The following HNRNPH3 variants were observed in gnomAD, a reference collection of about 807,000 sequenced individuals.
The protein encoded by HNRNPH3 is heterogeneous nuclear ribonucleoprotein 2H9.
Under a neutral mutation model 47.0 loss-of-function variants are expected in HNRNPH3, and 7 were observed. That is an observed-to-expected ratio of 0.15 (90% CI 0.08 to 0.28). The LOEUF (loss-of-function observed/expected upper bound fraction) is 0.28. Ranked by LOEUF, HNRNPH3 falls within the 10% of genes least tolerant of loss-of-function variation. HNRNPH3 has a pLI of 1.00. For missense variants in HNRNPH3, 279 were observed against 449.6 expected (o/e 0.62, Z 3.43); for synonymous variants, 120 against 143.2 (o/e 0.84, Z 1.16).
intron 6 of HNRNPH3, 170 bp from the exon 7 acceptor site, chr10:68,341,004 A>G: frequency 1.9e-6 from 1 of 514,902 alleles, no homozygotes; most frequent in South Asian, 3.0e-5. Flanking sequence ...TCTTTACATT[A>G]TCCCTAAGTG....
rs2045604236 is a variant in HNRNPH3, at chr10:68,337,527, A to G, written c.112+194A>G. The G allele has an allele frequency of 5.4e-6, 3 of 560,652 alleles. No individual in the cohort carries two copies. The Admixed American group carries it at 1.0e-4, about 19-fold the overall frequency. The allele number at this position is 560,652 out of a possible 1,614,324, so 34.7% of individuals were successfully genotyped here. On this transcript the variant is annotated intron_variant, in intron 2 of 9. Transcript: ENST00000265866. The surrounding 1 kb of genome is among the most constrained non-coding windows in gnomAD (Gnocchi z 4.5). The stretch of plus-strand genomic sequence containing the variant: ...TGTGTAGAATATGTAAAACCTAGTT[A>G]ATGTGCAGTAACATATTTGAGAATT...
At position 68,342,018 on chromosome 10, in the gene HNRNPH3, C is replaced by T. The variant is rs367996402; in HGVS notation, c.1005C>T (p.Gly335=). ...GCAGTGGAGGTTACTATGGGCAAGGCGGCATGAGTGGAGGTGGATGGCGTG... is the reference window on the plus strand; with the variant it reads ...GCAGTGGAGGTTACTATGGGCAAGGTGGCATGAGTGGAGGTGGATGGCGTG... ...GGGSGGYYGQ[G]GMSGGGWRGM... is the part of the protein sequence containing the mutation. The change falls in exon 10 of 10, where the codon GGC becomes GGT. Residue 335 remains glycine, a synonymous_variant. Transcript: ENST00000265866. 7.6e-5 allele frequency: 123 copies of T among 1,613,764 alleles called. 1 individual carries two copies. Among genetic ancestry groups the T allele is most frequent in the Admixed American group, 1.7e-4 (10 of 59,954 alleles).
At chr10:68,336,363 CTG>C (rs1335144443) in intron 1 of HNRNPH3, among the ~76,000 whole-genome samples, 2 of 152,054 alleles carry the variant, frequency 1.3e-5, no homozygotes, top group African/African-American at 4.8e-5. Flanking sequence ...GAACTGGGAA[CTG>C]AGGTTATTTT....
rs1156883907 is a variant in HNRNPH3, at chr10:68,336,931, G to A, written c.-23-268G>A. ...AAATAGTTTGAAGACTCTGGTAGTA[G>A]AATTATGCAAGTTTTCTTAAAATTA... On this transcript the variant is annotated intron_variant, in intron 1 of 9. Coordinates refer to ENST00000265866, the MANE Select transcript of HNRNPH3 (RefSeq NM_012207.3). 6.3e-5 allele frequency: 18 copies of A among 286,158 alleles called. No individual in the cohort carries two copies. In the East Asian group the frequency reaches 1.0e-3, roughly 17 times the overall value. 17.7% of individuals were successfully genotyped at this position (286,158 alleles called of 1,614,324 possible). A position where few individuals can be genotyped will look rare whatever the true frequency, so the allele number is the denominator to read the frequency against.
In HNRNPH3 at chr10:68,342,126, C is replaced by T. The variant is rs935412223; in HGVS notation, c.*72C>T. On this transcript the variant is annotated 3_prime_UTR_variant, in exon 10 of 10. Coordinates refer to ENST00000265866, the MANE Select transcript of HNRNPH3 (RefSeq NM_012207.3). ...CTAGACTTTCTTACAGATTTAATTT[C>T]TTTTGTATTTTAAGAACTTTATAAT... 1.8e-6 allele frequency: 2 copies of T among 1,086,218 alleles called. No individual in the cohort carries two copies. The highest frequency in any genetic ancestry group is 1.6e-5 in the African/African-American group (1 of 62,408). 67.3% of individuals were successfully genotyped at this position (1,086,218 alleles called of 1,614,324 possible). A position where few individuals can be genotyped will look rare whatever the true frequency, so the allele number is the denominator to read the frequency against.
At position 68,333,984 on chromosome 10, in the gene HNRNPH3, T is replaced by C. The variant is rs143555822; in HGVS notation, c.-24+1768T>C. Among the ~76,000 whole-genome samples, 408 of 152,318 alleles carry C rather than the reference T, an allele frequency of 2.7e-3. 3 individuals carry two copies. The highest frequency in any genetic ancestry group is 9.1e-3 in the African/African-American group (377 of 41,564). ...CTAATTGGATTGGACTACACATCTT[T>C]TTTCTGTCCTCTTTTCATTTGTGCC... On this transcript the variant is annotated intron_variant, in intron 1 of 9. Transcript: ENST00000265866.
intron 1 of HNRNPH3, among the ~76,000 whole-genome samples, chr10:68,336,385 G>A (rs1418042646): frequency 6.6e-6 from 1 of 152,080 alleles, no homozygotes; most frequent in South Asian, 2.1e-4. Flanking sequence ...TGGAGGGGAA[G>A]GGGGGCTTCT....
rs1564752391 is a variant in HNRNPH3, at chr10:68,338,855, A to G, written c.436+168A>G. 7.2e-6 allele frequency: 4 copies of G among 552,500 alleles called. No individual in the cohort carries two copies. In the East Asian group the frequency reaches 9.3e-5, roughly 13 times the overall value. 34.2% of individuals were successfully genotyped at this position (552,500 alleles called of 1,614,324 possible). On this transcript the variant is annotated intron_variant, in intron 4 of 9. Transcript: ENST00000265866. ...GCTGTGGGACTTGACTGATGCACAT[A>G]TTGGCACCTAGAAAACTTACACAGA...
Position 68,332,964 on chromosome 10 carries a change from G to C in HNRNPH3, c.-24+748G>C, listed in dbSNP as rs2045282162. 2.0e-5 allele frequency: 3 copies of C among 152,206 alleles called. No individual in the cohort carries two copies. In the South Asian group the frequency reaches 6.2e-4, roughly 32 times the overall value. The allele number at this position is 152,206 out of a possible 1,614,324, so 9.4% of individuals were successfully genotyped here. On this transcript the variant is annotated intron_variant, in intron 1 of 9. Transcript: ENST00000265866. ...GGCGAAGGGTTTTAAGCCAGGCTTG[G>C]CTGCTGACGGGAGGGGGAAGGGGCG...
intron 4 of HNRNPH3, 123 bp from the exon 5 acceptor site, chr10:68,339,017 T>C: frequency 1.4e-6 from 1 of 691,968 alleles, no homozygotes; most frequent in East Asian, 2.7e-5. Context: ...AGGTTTTAAG[T>C]TGGGAATTGC....
chr10:68,338,557 A>G lies in HNRNPH3; in HGVS notation c.306A>G (p.Pro102=), dbSNP rs1338963075. The part of the protein sequence containing the change: ...SRSEIKGFYD[P]PRRLLGQRPG... ...GTGAAATCAAAGGATTTTATGATCC[A>G]CCAAGAAGATTGCTGGGACAGCGAC... Residue 102 remains proline (P), a synonymous_variant, in exon 4 of 10, where the codon CCA becomes CCG. Coordinates refer to ENST00000265866, the MANE Select transcript of HNRNPH3 (RefSeq NM_012207.3). 1.9e-6 allele frequency: 3 copies of G among 1,613,382 alleles called. No homozygotes were observed. The highest frequency in any genetic ancestry group is 3.3e-5 in the Admixed American group (2 of 59,998).
Position 68,342,844 on chromosome 10 carries a change from A to G in HNRNPH3, c.*790A>G, listed in dbSNP as rs995420974. 2 of 152,542 alleles carry G rather than the reference A, an allele frequency of 1.3e-5. No individual in the cohort carries two copies. The highest frequency in any genetic ancestry group is 2.9e-5 in the Non-Finnish European group (2 of 68,034). The allele number at this position is 152,542 out of a possible 1,614,324, so 9.4% of individuals were successfully genotyped here. ...AGTATTAAGTACATAGGTATTTACT[A>G]TGGAGTATAATTCTCACAATTGTAT... On this transcript the variant is annotated 3_prime_UTR_variant, in exon 10 of 10. Coordinates refer to ENST00000265866, the MANE Select transcript of HNRNPH3 (RefSeq NM_012207.3).
rs201718155 is a variant in HNRNPH3 at position 68,342,080 on chromosome 10, T to A, written c.*26T>A. On this transcript the variant is annotated 3_prime_UTR_variant, in exon 10 of 10. Coordinates refer to ENST00000265866, the MANE Select transcript of HNRNPH3 (RefSeq NM_012207.3). Reference sequence around the variant, plus strand: ...AAGCAAAAACACCAACATACAAGTCTTGACAACAGCATCTGGTCTACTAGA... The same window carrying A: ...AAGCAAAAACACCAACATACAAGTCATGACAACAGCATCTGGTCTACTAGA... 7 of 1,555,710 alleles carry A rather than the reference T, an allele frequency of 4.5e-6. No homozygotes were observed. The East Asian group carries it at 1.6e-4, about 35-fold the overall frequency.
Position 68,339,784 on chromosome 10 carries a change from T to C in HNRNPH3, c.639+229T>C, listed in dbSNP as rs554772718. Reference sequence around the variant, plus strand: ...AGCTCTGCCTCCCAGGTTCACGCCATTGTCCTGCCTCAGCCTCCCGAGTAG... The same window carrying C: ...AGCTCTGCCTCCCAGGTTCACGCCACTGTCCTGCCTCAGCCTCCCGAGTAG... On this transcript the variant is annotated intron_variant, in intron 6 of 9. Transcript: ENST00000265866. Among the ~76,000 whole-genome samples the C allele has an allele frequency of 1.3e-4, 20 of 151,846 alleles. No homozygotes were observed. In the South Asian group the frequency reaches 4.2e-3, roughly 32 times the overall value.
chr10:68,341,371 T>C, intron 7 of HNRNPH3, 62 bp downstream of exon 7: 1 of 1,522,466 alleles, frequency 6.6e-7, no homozygotes, highest in Non-Finnish European at 8.9e-7. Context: ...AATAAGAGGC[T>C]CTAAGATCTG....
Position 68,341,841 on chromosome 10 carries a change from G to A in HNRNPH3, c.954G>A (p.Leu318=). Residue 318 remains leucine, a synonymous_variant, in exon 9 of 10, where the codon TTG becomes TTA. Transcript: ENST00000265866. The part of the protein sequence containing the change: ...YSGGYGTPDG[L]GGYGRGGGGS... ...GAGGATATGGTACTCCTGATGGTTT[G>A]GGTGGTTATGGTAAGTATCTCTAGT... 6.2e-7 allele frequency: 1 copy of A among 1,610,354 alleles called. No homozygotes were observed. Among genetic ancestry groups the A allele is most frequent in the Non-Finnish European group, 8.5e-7 (1 of 1,177,490 alleles).
chr10:68,338,360 A>T, intron 3 of HNRNPH3, 143 bp from the exon 4 acceptor site: 1 of 512,498 alleles, frequency 2.0e-6, no homozygotes, highest in Non-Finnish European at 3.4e-6. Flanking sequence ...TTGTAGGTTT[A>T]AACTGTTAAC....
intron 7 of HNRNPH3, 53 bp downstream of exon 7, chr10:68,341,362 ATAAGAGGCTC>A (rs769095904): frequency 1.9e-4 from 297 of 1,550,296 alleles, no homozygotes; most frequent in Non-Finnish European, 2.5e-4. Flanking sequence ...AATTTATAAA[ATAAGAGGCTC>A]TAAGATCTGT....
At position 68,341,792 on chromosome 10, in the gene HNRNPH3, T is replaced by A. The variant is rs1225376728; in HGVS notation, c.905T>A (p.Met302Lys). ...GGAGGCTATGGATCAGTTGGAAGAA[T>A]GGGAATGGGGAACAATTACAGTGGA... ...NQGGYGSVGR[M>K]GMGNNYSGGY... Residue 302 changes from methionine (M) to lysine (K), a missense_variant, in exon 9 of 10, where the codon ATG becomes AAG. Physicochemically the swap from Met to Lys is moderately conservative, Grantham distance 95. Coordinates refer to ENST00000265866, the MANE Select transcript of HNRNPH3 (RefSeq NM_012207.3). 6.2e-7 allele frequency: 1 copy of A among 1,609,526 alleles called. No individual in the cohort carries two copies. Among genetic ancestry groups the A allele is most frequent in the Non-Finnish European group, 8.5e-7 (1 of 1,178,398 alleles).
Sources: gnomAD v4.1 joint callset for allele counts (sites outside exome capture counted in the v4.1 genomes callset) on GRCh38, gnomAD v4.1.1 for gene constraint, Gnocchi (gnomAD v3.1) non-coding constraint, MANE v1.5 for transcripts, NCBI Gene and HGNC (gene_info 2026-07-23, HGNC 2026-07-21) for gene names.